The following ABCC5 variants were observed in gnomAD, a reference collection of about 807,000 sequenced individuals.
ABCC5 encodes the protein ATP binding cassette subfamily C member 5.
A neutral mutation model predicts 160.9 loss-of-function variants in ABCC5; 61 were observed. That is an observed-to-expected ratio of 0.38 (90% CI 0.31 to 0.47). The LOEUF (loss-of-function observed/expected upper bound fraction) is 0.47. Ranked by LOEUF, ABCC5 falls within the 20% of genes least tolerant of loss-of-function variation. The pLI is 0.99. For missense variants in ABCC5, 1,308 were observed against 1,813.3 expected (o/e 0.72, Z 5.06); for synonymous variants, 666 against 700.6 (o/e 0.95, Z 0.78).
Position 183,982,715 on chromosome 3 carries a change from G to A in ABCC5, c.825+59C>T. On this transcript the variant is annotated intron_variant, in intron 6 of 29. Coordinates refer to ENST00000334444, the MANE Select transcript of ABCC5 (RefSeq NM_005688.4). This position sits in a 1 kb window ranked among gnomAD's most constrained non-coding sequence, Gnocchi z 5.2. ...ATAAAGGATAAGGCAGGGCCCTAGA[G>A]GAATGAACCTCAAGCTAGGAAGTTG... 1.2e-6 allele frequency: 2 copies of A among 1,608,276 alleles called. No individual in the cohort carries two copies. Among genetic ancestry groups the A allele is most frequent in the South Asian group, 2.2e-5 (2 of 90,836 alleles).
At chr3:183,934,315 C>G (rs1713476651) in intron 26 of ABCC5, among the ~76,000 whole-genome samples, 1 of 152,156 alleles carries the variant, frequency 6.6e-6, no homozygotes, top group South Asian at 2.1e-4. Flanking sequence ...ATACCAAGAG[C>G]TGAACATTCT....
rs1447263632 is a variant in ABCC5, at chr3:183,951,548, C to T, written c.2837G>A (p.Arg946Gln). The change falls in exon 20 of 30, where the codon CGG (arginine) becomes CAG (glutamine). Residue 946 changes from arginine (R) to glutamine (Q), a missense_variant. Physicochemically the swap from Arg to Gln is conservative, Grantham distance 43. This residue lies in a region of ABCC5 where 1,142 missense variants were observed against 1,527.1 expected (regional missense o/e 0.75). Coordinates refer to ENST00000334444, the MANE Select transcript of ABCC5 (RefSeq NM_005688.4). This position sits in a 1 kb window ranked among gnomAD's most constrained non-coding sequence, Gnocchi z 4.7. ...CCTTCGGAAAAGCTCGTCATGCAGC[C>T]GGGAGGAAGCTCGCAGCGTGCCCTG... ...FVKGTLRASS[R>Q]LHDELFRRIL... is the part of the protein sequence containing the mutation. The T allele has an allele frequency of 4.3e-6, 7 of 1,614,156 alleles. No homozygotes were observed. The highest frequency in any genetic ancestry group is 2.2e-5 in the South Asian group (2 of 91,080).
At chr3:183,962,598 C>T (rs975893442) in intron 15 of ABCC5, among the ~76,000 whole-genome samples, 6 of 149,848 alleles carry the variant, frequency 4.0e-5, no homozygotes, top group Admixed American at 2.0e-4. Flanking sequence ...ATGATGCAAT[C>T]GCAGCTCACT....
At chr3:183,981,899 C>CAA in intron 7 of ABCC5, 25 bp from the exon 8 acceptor site, 1 of 1,577,544 alleles carries the variant, frequency 6.3e-7, no homozygotes, top group Non-Finnish European at 8.6e-7. Context: ...GATGCCACGC[C>CAA]AAATTAAAGC....
At chr3:183,960,790 C>CTTTTTT in intron 16 of ABCC5, among the ~76,000 whole-genome samples, 1 of 149,478 alleles carries the variant, frequency 6.7e-6, no homozygotes, top group Non-Finnish European at 1.5e-5. Flanking sequence ...TCTCTTATGT[C>CTTTTTT]TTTTTTTTTT....
At position 183,987,404 on chromosome 3, in the gene ABCC5, C is replaced by A; in HGVS notation, c.591+366G>T. 2.0e-6 allele frequency: 1 copy of A among 504,922 alleles called. No homozygotes were observed. The highest frequency in any genetic ancestry group is 3.5e-6 in the Non-Finnish European group (1 of 284,390). The allele number at this position is 504,922 out of a possible 1,614,324, so 31.3% of individuals were successfully genotyped here. ...GCACTTGGTATGTTCCCGGTGCTGG[C>A]TCACCAGCCCGGGCCACACAACGTG... On this transcript the variant is annotated intron_variant, in intron 5 of 29. Transcript: ENST00000334444. This position sits in a 1 kb window ranked among gnomAD's most constrained non-coding sequence, Gnocchi z 4.2.
At chr3:183,943,549 G>T (rs1486702124) in intron 24 of ABCC5, among the ~76,000 whole-genome samples, 1 of 152,126 alleles carries the variant, frequency 6.6e-6, no homozygotes, top group East Asian at 1.9e-4. Flanking sequence ...ATAACTGCTT[G>T]GGTAATTTTT....
intron 25 of ABCC5, among the ~76,000 whole-genome samples, chr3:183,938,860 G>A (rs979076500): frequency 6.6e-6 from 1 of 152,142 alleles, no homozygotes; most frequent in Non-Finnish European, 1.5e-5. Context: ...AAACACATAC[G>A]GGAAGGAGGT....
intron 29 of ABCC5, among the ~76,000 whole-genome samples, chr3:183,922,152 A>G (rs954671010): frequency 5.3e-5 from 8 of 151,176 alleles, no homozygotes; most frequent in African/African-American, 1.9e-4. Flanking sequence ...CAGGCGGATC[A>G]CCTGAGGTCA....
At chr3:183,943,708 T>A (rs1345004481) in intron 24 of ABCC5, among the ~76,000 whole-genome samples, 1 of 152,192 alleles carries the variant, frequency 6.6e-6, no homozygotes, top group Non-Finnish European at 1.5e-5. Flanking sequence ...GGAAGGACTC[T>A]GTGTTGGGAC....
Position 183,977,599 on chromosome 3 carries a change from T to A in ABCC5, c.1322A>T (p.Asn441Ile). The A allele has an allele frequency of 6.2e-7, 1 of 1,614,026 alleles. No individual in the cohort carries two copies. Among genetic ancestry groups the A allele is most frequent in the Non-Finnish European group, 8.5e-7 (1 of 1,179,914 alleles). Reference protein sequence around the residue: ...AQAFTVVTVFNSMTFALKVTP... With the variant: ...AQAFTVVTVFISMTFALKVTP... ...TACTTTCAAAGCAAAAGTCATGGAA[T>A]TGAAGACTGTCACCACTGTGAAAGC... Residue 441 changes from asparagine to isoleucine, a missense_variant, in exon 10 of 30, where the codon AAT (asparagine) becomes ATT (isoleucine). By Grantham distance (149) the Asn-to-Ile change is moderately radical. Around this residue, in one of 3 missense-constraint regions of ABCC5, gnomAD observed 1,142 missense variants for 1,527.1 expected, o/e 0.75. Coordinates refer to ENST00000334444, the MANE Select transcript of ABCC5 (RefSeq NM_005688.4).
At chr3:184,006,420 C>T (rs1228327423) in intron 2 of ABCC5, 1 of 152,216 alleles carries the variant, frequency 6.6e-6, no homozygotes, top group Non-Finnish European at 1.5e-5. Flanking sequence ...ATGCTAATCT[C>T]CTTCCTCCTG....
At chr3:183,927,034 A>G (rs1712646899) in intron 28 of ABCC5, among the ~76,000 whole-genome samples, 1 of 149,894 alleles carries the variant, frequency 6.7e-6, no homozygotes, top group Non-Finnish European at 1.5e-5. Flanking sequence ...ACAGAGCAAG[A>G]CTCCGTCTCA....
At chr3:184,014,002 A>G (rs1353723947) in intron 2 of ABCC5, among the ~76,000 whole-genome samples, 2 of 151,948 alleles carry the variant, frequency 1.3e-5, no homozygotes, top group Non-Finnish European at 2.9e-5. Context: ...CCTCGCAAGT[A>G]TCTGGGATTA....
At chr3:183,977,764 T>G in intron 9 of ABCC5, 140 bp from the exon 10 acceptor site, 1 of 612,768 alleles carries the variant, frequency 1.6e-6, no homozygotes, top group Non-Finnish European at 2.8e-6. Flanking sequence ...TACATTTTTT[T>G]TTTTTTGAGA....
intron 5 of ABCC5, chr3:183,986,074 C>T (rs1056892284): frequency 1.3e-4 from 20 of 152,924 alleles, no homozygotes; most frequent in African/African-American, 3.6e-4. Flanking sequence ...AAATCTAAAA[C>T]GAAATGTTCC....
intron 5 of ABCC5, chr3:183,984,263 G>A: frequency 1.0e-6 from 1 of 985,864 alleles, no homozygotes; most frequent in Non-Finnish European, 1.2e-6. Context: ...TCAAGTCCTT[G>A]CATCTAAAAA....
Position 183,921,259 on chromosome 3 carries a change from G to T in ABCC5, c.*41C>A. 1 of 1,217,516 alleles carries T rather than the reference G, an allele frequency of 8.2e-7. No homozygotes were observed. Among genetic ancestry groups the T allele is most frequent in the Non-Finnish European group, 1.2e-6 (1 of 836,844 alleles). The allele number at this position is 1,217,516 out of a possible 1,614,324, so 75.4% of individuals were successfully genotyped here. On this transcript the variant is annotated 3_prime_UTR_variant, in exon 30 of 30. Coordinates refer to ENST00000334444, the MANE Select transcript of ABCC5 (RefSeq NM_005688.4). This position sits in a 1 kb window ranked among gnomAD's most constrained non-coding sequence, Gnocchi z 4.1. ...AGGGGCCCGCCCCAGGCAGGGAATG[G>T]CAATGCTCTAAAGAAAAGAGACTTC... is the stretch of plus-strand genomic sequence containing the variant.
intron 17 of ABCC5, among the ~76,000 whole-genome samples, chr3:183,957,523 T>G (rs74386215): frequency 0.22 from 24,301 of 109,160 alleles, 2,504 homozygotes; most frequent in East Asian, 0.45. Flanking sequence ...GTTACATGCT[T>G]ATCTGTGTGT....
Sources: allele counts gnomAD v4.1 joint callset (sites outside exome capture counted in the v4.1 genomes callset), GRCh38; gene constraint gnomAD v4.1.1; regional missense constraint gnomAD v4.1.1; non-coding constraint Gnocchi (gnomAD v3.1); transcripts MANE v1.5; gene names NCBI Gene and HGNC (gene_info 2026-07-23, HGNC 2026-07-21).